Variants in ZNF432 observed in about 807,000 individuals in gnomAD.
ZNF432 encodes zinc finger protein 432.
ZNF432 carries 10 observed loss-of-function variants against 13.9 expected under a neutral mutation model. The ratio of observed to expected loss-of-function variants is 0.72; its 90% confidence interval spans 0.44 to 1.22. ZNF432 has a LOEUF of 1.22. ZNF432 is among the 50% of genes most tolerant of loss of function. The pLI is 0.00. For synonymous variants in ZNF432, 247 were observed against 256.2 expected, an observed-to-expected ratio of 0.96 and a Z score of 0.34; for missense variants, 793 against 796.2, an observed-to-expected ratio of 1.00 and a Z score of 0.05.
intron 3 of ZNF432, 151 bp from the exon 4 acceptor site, chr19:52,040,734 A>G: frequency 1.6e-6 from 1 of 609,812 alleles, no homozygotes; most frequent in Non-Finnish European, 2.9e-6. Flanking sequence ...TCAGACCTTA[A>G]TATCTGAAAA....
At position 52,034,055 on chromosome 19, in the gene ZNF432, T is replaced by C. The variant is rs1210221453; in HGVS notation, c.1624A>G (p.Met542Val). ...AAGCCTTTTCCACATTCACTGCACATAAAGGGTTTCTCTCCAGTATGAGTT... is the reference window on the plus strand; with the variant it reads ...AAGCCTTTTCCACATTCACTGCACACAAAGGGTTTCTCTCCAGTATGAGTT... ...QRTHTGEKPF[M>V]CSECGKGFTM... Residue 542 changes from methionine to valine, a missense_variant, in exon 5 of 5, where the codon ATG becomes GTG. Physicochemically the swap from Met to Val is conservative, Grantham distance 21. Coordinates refer to ENST00000221315, the MANE Select transcript of ZNF432 (RefSeq NM_014650.4). The C allele has an allele frequency of 4.3e-6, 7 of 1,614,114 alleles. No homozygotes were observed. Among genetic ancestry groups the C allele is most frequent in the Admixed American group, 1.7e-5 (1 of 60,028 alleles).
At position 52,034,616 on chromosome 19, in the gene ZNF432, T is replaced by C; in HGVS notation, c.1063A>G (p.Thr355Ala). ...YICSECGKGF[T>A]TKHYVIIHQR... Reference sequence around the variant, plus strand: ...TGTATGATGACATAGTGTTTTGTGGTGAAGCCTTTCCCACATTCACTACAG... The same window carrying C: ...TGTATGATGACATAGTGTTTTGTGGCGAAGCCTTTCCCACATTCACTACAG... The change falls in exon 5 of 5, where the codon ACC becomes GCC. Residue 355 changes from threonine (T) to alanine (A), a missense_variant. By Grantham distance (58) the Thr-to-Ala change is moderately conservative. Coordinates refer to ENST00000221315, the MANE Select transcript of ZNF432 (RefSeq NM_014650.4). 3 of 1,612,256 alleles carry C rather than the reference T, an allele frequency of 1.9e-6. No individual in the cohort carries two copies. The highest frequency in any genetic ancestry group is 2.2e-5 in the East Asian group (1 of 44,736).
rs75264667 is a variant in ZNF432, at chr19:52,037,507, C to T, written c.239-2067G>A. Among the ~76,000 whole-genome samples the T allele has an allele frequency of 2.3e-4, 35 of 152,126 alleles. No homozygotes were observed. In the East Asian group the frequency reaches 5.0e-3, roughly 22 times the overall value. ...CACATTCTGCATGCAGTAGAAAAGT[C>T]GTATCAAGGCCAGGCACGGTGGCTC... is the stretch of plus-strand genomic sequence containing the variant. On this transcript the variant is annotated intron_variant, in intron 4 of 4. Transcript: ENST00000221315.
At position 52,033,602 on chromosome 19, in the gene ZNF432, G is replaced by A. The variant is rs2087036852; in HGVS notation, c.*118C>T. On this transcript the variant is annotated 3_prime_UTR_variant, in exon 5 of 5. Transcript: ENST00000221315. The stretch of plus-strand genomic sequence containing the variant: ...GCATTCATCCTAGTGAATAACACTG[G>A]ATTTTGAAATATGATTTTTCATACT... 9 of 1,210,202 alleles carry A rather than the reference G, an allele frequency of 7.4e-6. No individual in the cohort carries two copies. In the African/African-American group the frequency reaches 1.2e-4, roughly 16 times the overall value. The allele number at this position is 1,210,202 out of a possible 1,614,324, so 75.0% of individuals were successfully genotyped here.
Position 52,035,310 on chromosome 19 carries a change from G to A in ZNF432, c.369C>T (p.Phe123=), listed in dbSNP as rs745315573. The A allele has an allele frequency of 6.2e-7, 1 of 1,612,080 alleles. No individual in the cohort carries two copies. Among genetic ancestry groups the A allele is most frequent in the East Asian group, 2.2e-5 (1 of 44,804 alleles). ...TASQTKSLCL[F]RENHDTFELY... is the part of the protein sequence containing the mutation. ...ACTCAAATGTATCATGATTTTCCCT[G>A]AAAAGACAAAGGCTTTTGGTTTGAG... The change falls in exon 5 of 5, where the codon TTC becomes TTT. Residue 123 remains phenylalanine, a synonymous_variant. Transcript: ENST00000221315.
At position 52,035,458 on chromosome 19, in the gene ZNF432, A is replaced by G; in HGVS notation, c.239-18T>C. 1.3e-6 allele frequency: 2 copies of G among 1,510,900 alleles called. No homozygotes were observed. The highest frequency in any genetic ancestry group is 1.8e-6 in the Non-Finnish European group (2 of 1,133,962). 93.6% of individuals were successfully genotyped at this position (1,510,900 alleles called of 1,614,324 possible). Reference sequence around the variant, plus strand: ...GTTGTTTTCTAGGAAAGAAGAGAACAATGAATCCTTTTATAATCTTGTTGG... The same window carrying G: ...GTTGTTTTCTAGGAAAGAAGAGAACGATGAATCCTTTTATAATCTTGTTGG... On this transcript the variant is annotated intron_variant, in intron 4 of 4. Coordinates refer to ENST00000221315, the MANE Select transcript of ZNF432 (RefSeq NM_014650.4).
intron 2 of ZNF432, among the ~76,000 whole-genome samples, chr19:52,046,464 C>CA (rs1270032492): frequency 3.3e-5 from 5 of 152,266 alleles, no homozygotes; most frequent in African/African-American, 1.2e-4. Flanking sequence ...AAAGCTAGTT[C>CA]AAAACACTGT....
chr19:52,041,393 C>T, intron 3 of ZNF432, 87 bp downstream of exon 3: 2 of 1,476,356 alleles, frequency 1.4e-6, no homozygotes, highest in Non-Finnish European at 1.8e-6. Flanking sequence ...ATTCAGAGCA[C>T]TGCAGTAACT....
In ZNF432 at chr19:52,031,949, A is replaced by C. The variant is rs1346179231; in HGVS notation, c.*1771T>G. The C allele has an allele frequency of 6.6e-6, 1 of 152,164 alleles. No individual in the cohort carries two copies. The highest frequency in any genetic ancestry group is 1.5e-5 in the Non-Finnish European group (1 of 68,036). The allele number at this position is 152,164 out of a possible 1,614,324, so 9.4% of individuals were successfully genotyped here. On this transcript the variant is annotated 3_prime_UTR_variant, in exon 5 of 5. Transcript: ENST00000221315. ...GGAGGCGGGGTTGCAGTGAGCCAAG[A>C]TCGTGCTATTACACTCCAACCTGGG...
chr19:52,047,937 T>C (rs1185545648), intron 1 of ZNF432, among the ~76,000 whole-genome samples: 1 of 151,956 alleles, frequency 6.6e-6, no homozygotes, highest in Non-Finnish European at 1.5e-5. Context: ...AAAAACATAA[T>C]GTTAAATAGA....
Position 52,034,509 on chromosome 19 carries a change from T to A in ZNF432, c.1170A>T (p.Glu390Asp), listed in dbSNP as rs929556827. 2 of 1,613,916 alleles carry A rather than the reference T, an allele frequency of 1.2e-6. No individual in the cohort carries two copies. Among genetic ancestry groups the A allele is most frequent in the African/African-American group, 2.7e-5 (2 of 74,914 alleles). The stretch of plus-strand genomic sequence containing the variant: ...TCTCTCCTGTATGAGTTCGTTGATG[T>A]TCGATCATACGGCTCTTCATGGTGA... ...KGFTMKSRMI[E>D]HQRTHTGEKP... is the part of the protein sequence containing the mutation. The change falls in exon 5 of 5, where the codon GAA (glutamate) becomes GAT (aspartate). Residue 390 changes from glutamate (E) to aspartate (D), a missense_variant. Coordinates refer to ENST00000221315, the MANE Select transcript of ZNF432 (RefSeq NM_014650.4).
rs765749210 is a variant in ZNF432 at position 52,033,771 on chromosome 19, TGAG to T, written c.1905_1907del (p.Ser636del). On this transcript the variant is annotated inframe_deletion, in exon 5 of 5. Coordinates refer to ENST00000221315, the MANE Select transcript of ZNF432 (RefSeq NM_014650.4). ...GCTGATGTACAATGAGATTTCTCTT[TGAG>T]GAGAAGGCTTTTCTACATTCACTGC... 18 of 1,606,096 alleles carry T rather than the reference TGAG, an allele frequency of 1.1e-5. No homozygotes were observed. The highest frequency in any genetic ancestry group is 6.9e-5 in the Admixed American group (4 of 57,988).
chr19:52,042,383 T>C (rs2087144964), intron 2 of ZNF432, among the ~76,000 whole-genome samples: 2 of 151,878 alleles, frequency 1.3e-5, no homozygotes. Flanking sequence ...ATCCTATCTC[T>C]ACCAAAAAGA....
chr19:52,041,139 A>G (rs943385013), intron 3 of ZNF432, among the ~76,000 whole-genome samples: 1 of 152,166 alleles, frequency 6.6e-6, no homozygotes, highest in Admixed American at 6.6e-5. Flanking sequence ...TAAAACATAT[A>G]GTATAACAAC....
chr19:52,038,129 G>C (rs1008983708), intron 4 of ZNF432, among the ~76,000 whole-genome samples: 1 of 152,096 alleles, frequency 6.6e-6, no homozygotes, highest in Non-Finnish European at 1.5e-5. Context: ...ACAATCAAAA[G>C]TCATCTTGAT....
chr19:52,036,314 G>T (rs1217467991), intron 4 of ZNF432, among the ~76,000 whole-genome samples: 1 of 152,226 alleles, frequency 6.6e-6, no homozygotes, highest in African/African-American at 2.4e-5. Flanking sequence ...GAAGGGAGTT[G>T]GTGATGTTAA....
At chr19:52,041,398 G>A (rs1249838943) in intron 3 of ZNF432, 82 bp downstream of exon 3, 1 of 1,491,414 alleles carries the variant, frequency 6.7e-7, no homozygotes, top group Admixed American at 2.3e-5. Flanking sequence ...GAGCACTGCA[G>A]TAACTTCCAA....
At chr19:52,040,660 A>T in intron 3 of ZNF432, 77 bp from the exon 4 acceptor site, 1 of 1,185,026 alleles carries the variant, frequency 8.4e-7, no homozygotes, top group South Asian at 1.3e-5. Context: ...GTTACATTTA[A>T]GTAACTAGAC....
chr19:52,032,979 T>G lies in ZNF432; in HGVS notation c.*741A>C, dbSNP rs138895917. ...TGATAATGCTGCTAGTATGTGTAAG[T>G]TCATTGATGATCTATTATGATCACT... is the stretch of plus-strand genomic sequence containing the variant. On this transcript the variant is annotated 3_prime_UTR_variant, in exon 5 of 5. Transcript: ENST00000221315. 6.6e-6 allele frequency: 1 copy of G among 152,200 alleles called. No homozygotes were observed. The highest frequency in any genetic ancestry group is 1.5e-5 in the Non-Finnish European group (1 of 68,024). The allele number at this position is 152,200 out of a possible 1,614,324, so 9.4% of individuals were successfully genotyped here.
Sources: gnomAD v4.1 joint callset for allele counts (sites outside exome capture counted in the v4.1 genomes callset) on GRCh38, gnomAD v4.1.1 for gene constraint, MANE v1.5 for transcripts, NCBI Gene and HGNC (gene_info 2026-07-23, HGNC 2026-07-21) for gene names.